The following PDGFD variants were observed in gnomAD, a reference collection of about 807,000 sequenced individuals.
PDGFD encodes platelet derived growth factor D.
PDGFD carries 30 observed loss-of-function variants against 44.7 expected under a neutral mutation model. The observed-to-expected ratio is 0.67, with a 90% confidence interval of 0.50 to 0.91. The LOEUF (loss-of-function observed/expected upper bound fraction) is 0.91, where lower values mean the gene tolerates loss of function less well. Ranked by LOEUF, PDGFD falls within the 40% of genes least tolerant of loss-of-function variation. The probability of loss-of-function intolerance (pLI) is 0.00; values close to 1 mark genes in which losing one functional copy is unlikely to be tolerated. For synonymous variants in PDGFD, 173 were observed against 168.4 expected, an observed-to-expected ratio of 1.03 and a Z score of -0.21; for missense variants, 445 against 457.8, an observed-to-expected ratio of 0.97 and a Z score of 0.25.
intron 1 of PDGFD, among the ~76,000 whole-genome samples, chr11:104,022,928 T>C (rs1326255702): frequency 1.3e-5 from 2 of 152,112 alleles, no homozygotes; most frequent in Non-Finnish European, 2.9e-5. Flanking sequence ...TTTTTTTTCC[T>C]GAAAGGTTTA....
At chr11:103,969,848 G>A (rs981500474) in intron 3 of PDGFD, among the ~76,000 whole-genome samples, 10 of 151,876 alleles carry the variant, frequency 6.6e-5, no homozygotes, top group African/African-American at 2.4e-4. Context: ...TTCTGGACCT[G>A]GAGAATACTA....
In PDGFD at chr11:104,139,568, C is replaced by T. The variant is rs1399695006; in HGVS notation, c.124+24236G>A. Among the ~76,000 whole-genome samples, 3 of 152,152 alleles carry T rather than the reference C, an allele frequency of 2.0e-5. No homozygotes were observed. In the East Asian group the frequency reaches 5.8e-4, roughly 29 times the overall value. ...ACACAAAAGTTACGTGTAGTAGCTA[C>T]TGCTTTCAAGTAGATGCAGGGTAAC... On this transcript the variant is annotated intron_variant, in intron 1 of 6. Transcript: ENST00000393158.
intron 4 of PDGFD, among the ~76,000 whole-genome samples, chr11:103,944,425 C>T (rs1858640125): frequency 6.6e-6 from 1 of 152,116 alleles, no homozygotes; most frequent in African/African-American, 2.4e-5. Flanking sequence ...ACTTCACTAA[C>T]CCTTGTACAA....
intron 1 of PDGFD, among the ~76,000 whole-genome samples, chr11:104,135,674 A>C (rs935017586): frequency 9.9e-5 from 15 of 152,218 alleles, no homozygotes; most frequent in Admixed American, 2.0e-4. Flanking sequence ...GGTGGATTAG[A>C]GGATAACGGA....
intron 1 of PDGFD, among the ~76,000 whole-genome samples, chr11:104,086,271 T>C (rs527996688): frequency 4.1e-4 from 62 of 152,262 alleles, no homozygotes; most frequent in Middle Eastern, 3.4e-3. Context: ...TGGGCTAATT[T>C]ACATATTTTC....
intron 5 of PDGFD, among the ~76,000 whole-genome samples, chr11:103,938,900 T>C (rs537724800): frequency 6.6e-6 from 1 of 152,340 alleles, no homozygotes; most frequent in South Asian, 2.1e-4. Flanking sequence ...CTCTGTTCTG[T>C]TCCATTGGTT....
intron 6 of PDGFD, among the ~76,000 whole-genome samples, chr11:103,915,125 G>C (rs10791650): frequency 0.46 from 69,608 of 151,852 alleles, 16,052 homozygotes; most frequent in South Asian, 0.49. Context: ...AGAAATAAAG[G>C]GTATTCAAAT....
At chr11:104,000,286 T>C in intron 1 of PDGFD, 31 bp from the exon 2 acceptor site, 1 of 1,567,104 alleles carries the variant, frequency 6.4e-7, no homozygotes, top group Non-Finnish European at 8.8e-7. Flanking sequence ...TAGAAATTAG[T>C]ATGTTGCTCC....
At chr11:104,156,958 A>G (rs550237269) in intron 1 of PDGFD, among the ~76,000 whole-genome samples, 1 of 152,290 alleles carries the variant, frequency 6.6e-6, no homozygotes, top group South Asian at 2.1e-4. Context: ...GTAATACTAT[A>G]TATTACCCCC....
At chr11:103,974,742 G>A (rs922623212) in intron 3 of PDGFD, among the ~76,000 whole-genome samples, 12 of 152,004 alleles carry the variant, frequency 7.9e-5, no homozygotes, top group African/African-American at 2.7e-4. Flanking sequence ...GAGAACATGC[G>A]GTGTTTGGTT....
intron 1 of PDGFD, among the ~76,000 whole-genome samples, chr11:104,137,547 A>G (rs533129339): frequency 6.6e-6 from 1 of 152,258 alleles, no homozygotes; most frequent in African/African-American, 2.4e-5. Flanking sequence ...TCCAAAAAGT[A>G]CTGAGTCTCT....
chr11:103,965,520 G>C (rs529694654), intron 3 of PDGFD, among the ~76,000 whole-genome samples: 2 of 152,262 alleles, frequency 1.3e-5, no homozygotes, highest in South Asian at 4.1e-4. Flanking sequence ...GCAAAGTTCT[G>C]CACAATATCG....
At chr11:104,012,848 G>A (rs182761450) in intron 1 of PDGFD, among the ~76,000 whole-genome samples, 1 of 152,320 alleles carries the variant, frequency 6.6e-6, no homozygotes, top group East Asian at 1.9e-4. Context: ...ATGAAGAATG[G>A]CCTAAGAAAA....
chr11:104,033,517 T>C (rs1377962562), intron 1 of PDGFD, among the ~76,000 whole-genome samples: 1 of 152,114 alleles, frequency 6.6e-6, no homozygotes, highest in East Asian at 1.9e-4. Context: ...ACACATCACA[T>C]AGAATTTAAA....
intron 1 of PDGFD, among the ~76,000 whole-genome samples, chr11:104,086,671 A>T (rs1861134574): frequency 6.6e-6 from 1 of 152,230 alleles, no homozygotes; most frequent in South Asian, 2.1e-4. Flanking sequence ...AGATAAACGT[A>T]TCACCCAAAC....
At chr11:104,017,718 A>G (rs1312226349) in intron 1 of PDGFD, among the ~76,000 whole-genome samples, 1 of 152,200 alleles carries the variant, frequency 6.6e-6, no homozygotes, top group Non-Finnish European at 1.5e-5. Flanking sequence ...GTCAAGGGAC[A>G]TTGCTTATGT....
chr11:103,922,129 A>C (rs879579411), intron 6 of PDGFD, among the ~76,000 whole-genome samples: 1 of 152,190 alleles, frequency 6.6e-6, no homozygotes, highest in Non-Finnish European at 1.5e-5. Flanking sequence ...CTGTTGACTA[A>C]ATGGATACAG....
chr11:104,043,108 T>G (rs539515285), intron 1 of PDGFD, among the ~76,000 whole-genome samples: 1 of 152,092 alleles, frequency 6.6e-6, no homozygotes, highest in Admixed American at 6.6e-5. Flanking sequence ...AAAAGCAGAG[T>G]AAAATATTTA....
chr11:103,955,306 C>T (rs1220564732), intron 3 of PDGFD, among the ~76,000 whole-genome samples: 1 of 150,382 alleles, frequency 6.6e-6, no homozygotes, highest in Non-Finnish European at 1.5e-5. Flanking sequence ...TGAGGGAAAT[C>T]CAAATAAAGC....
Sources: allele counts gnomAD v4.1 joint callset (sites outside exome capture counted in the v4.1 genomes callset), GRCh38; gene constraint gnomAD v4.1.1; transcripts MANE v1.5; gene names NCBI Gene and HGNC (gene_info 2026-07-23, HGNC 2026-07-21).